Variants in BICRAL observed in about 807,000 individuals in gnomAD.
BICRAL encodes the protein BICRA like chromatin remodeling complex associated protein.
BICRAL carries 8 observed loss-of-function variants against 91.8 expected under a neutral mutation model. The observed-to-expected ratio is 0.09, with a 90% CI of 0.05 to 0.16. BICRAL has a LOEUF of 0.16. Ranked by LOEUF, BICRAL falls within the 10% of genes least tolerant of loss-of-function variation. The pLI is 1.00. For synonymous variants in BICRAL, 445 were observed against 491.1 expected, an observed-to-expected ratio of 0.91 and a Z score of 1.24; for missense variants, 1,038 against 1,310.9, an observed-to-expected ratio of 0.79 and a Z score of 3.21.
intron 6 of BICRAL, among the ~76,000 whole-genome samples, chr6:42,843,389 G>A (rs1764870395): frequency 6.6e-6 from 1 of 152,152 alleles, no homozygotes; most frequent in Non-Finnish European, 1.5e-5. Context: ...TTTAGGTGAG[G>A]CGAGTAGGGT....
At chr6:42,753,368 AT>A (rs1456065290) in intron 1 of BICRAL, among the ~76,000 whole-genome samples, 3 of 151,552 alleles carry the variant, frequency 2.0e-5, no homozygotes, top group African/African-American at 4.9e-5. Context: ...TTGGCCAATC[AT>A]TGCTATAAAA....
At chr6:42,863,650 TAAGG>T (rs1765623146) in intron 12 of BICRAL, among the ~76,000 whole-genome samples, 1 of 152,198 alleles carries the variant, frequency 6.6e-6, no homozygotes, top group African/African-American at 2.4e-5. Flanking sequence ...CCTTCTGCTC[TAAGG>T]AAGAAACCAG....
chr6:42,778,167 T>C (rs543007156), upstream of BICRAL, among the ~76,000 whole-genome samples: 14 of 152,344 alleles, frequency 9.2e-5, no homozygotes, highest in South Asian at 2.9e-3. Flanking sequence ...GACTTAAAAT[T>C]AGGTTGGACA....
intron 1 of BICRAL, 77 bp from the exon 2 acceptor site, chr6:42,810,229 C>T (rs1429296854): frequency 1.3e-5 from 2 of 152,088 alleles, no homozygotes; most frequent in Non-Finnish European, 2.9e-5. Flanking sequence ...AACTTAAAGC[C>T]AATCATGCTG....
At chr6:42,748,362 G>T (rs931999000) in intron 1 of BICRAL, among the ~76,000 whole-genome samples, 1 of 152,122 alleles carries the variant, frequency 6.6e-6, no homozygotes, top group African/African-American at 2.4e-5. Context: ...AGCTAAAGAA[G>T]GTTTATTGGA....
rs1554283186 is a variant in BICRAL, at chr6:42,857,614, A to AAT, written c.2254+399_2254+400dup. On this transcript the variant is annotated intron_variant, in intron 10 of 12. Coordinates refer to ENST00000314073, the MANE Select transcript of BICRAL (RefSeq NM_001393499.1). Reference sequence around the variant, plus strand: ...ACACTGTCTCTTAAAAAAAAAAAAAAATATATATATATATATATATATTTT... The same window carrying AAT: ...ACACTGTCTCTTAAAAAAAAAAAAAAATATATATATATATATATATATATTTT... Among the ~76,000 whole-genome samples, 111 of 96,208 alleles carry AAT rather than the reference A, an allele frequency of 1.2e-3. 1 individual carries two copies. The highest frequency in any genetic ancestry group is 6.3e-3 in the Middle Eastern group (1 of 158). The allele number at this position is 96,208 out of a possible 152,430, so 63.1% of individuals were successfully genotyped here.
chr6:42,864,976 C>T lies in BICRAL; in HGVS notation c.2770C>T (p.Arg924Trp), dbSNP rs575050000. 58 of 1,614,086 alleles carry T rather than the reference C, an allele frequency of 3.6e-5. No homozygotes were observed. Among genetic ancestry groups the T allele is most frequent in the Middle Eastern group, 3.3e-4 (2 of 6,062 alleles). ...GAGCACGTCTGAAGAGAAGGCCAGC[C>T]GGAGAGAGCCTCTGAAGGCCAGTCA... ...YQSTSEEKAS[R>W]REPLKASQCS... The change falls in exon 13 of 13, where the codon CGG (arginine) becomes TGG (tryptophan). Residue 924 changes from arginine to tryptophan, a missense_variant. By Grantham distance (101) the Arg-to-Trp change is moderately radical. Coordinates refer to ENST00000314073, the MANE Select transcript of BICRAL (RefSeq NM_001393499.1).
rs115434343 is a variant in BICRAL at position 42,838,173 on chromosome 6, A to G, written c.1839+8001A>G. On this transcript the variant is annotated intron_variant, in intron 6 of 12. Transcript: ENST00000314073. The stretch of plus-strand genomic sequence containing the variant: ...CTAGGAACAAGGACCTTTTAATATA[A>G]TTATATCAAATTTCTTCCATTTGGC... 7.0e-3 allele frequency among the ~76,000 whole-genome samples: 1,059 copies of G among 152,308 alleles called. 5 individuals carry two copies. The highest frequency in any genetic ancestry group is 0.022 in the African/African-American group (932 of 41,568).
intron 10 of BICRAL, among the ~76,000 whole-genome samples, chr6:42,857,873 G>A (rs1244309655): frequency 2.3e-5 from 3 of 131,186 alleles, no homozygotes; most frequent in Non-Finnish European, 4.6e-5. Flanking sequence ...GCAGTGGCAC[G>A]ATCAACTCAC....
rs1024667347 is a variant in BICRAL at position 42,831,553 on chromosome 6, C to T, written c.1839+1381C>T. On this transcript the variant is annotated intron_variant, in intron 6 of 12. Transcript: ENST00000314073. ...TCACTGTCATCTGCTGATCCTTCGA[C>T]GGCTCCATCATTTGGTTCCCACTCA... 3.3e-5 allele frequency among the ~76,000 whole-genome samples: 5 copies of T among 152,250 alleles called. 1 individual carries two copies. The highest frequency in any genetic ancestry group is 3.9e-4 in the East Asian group (2 of 5,186).
chr6:42,794,411 CTG>C (rs67384767), intron 1 of BICRAL, among the ~76,000 whole-genome samples: 1,905 of 146,428 alleles, frequency 0.013, 15 homozygotes, highest in Middle Eastern at 0.042. Flanking sequence ...TTCACTTACT[CTG>C]TGTGTGTGTG....
chr6:42,821,272 T>A (rs1043426858), intron 2 of BICRAL: 2 of 152,262 alleles, frequency 1.3e-5, no homozygotes, highest in African/African-American at 4.8e-5. Context: ...TGTTGTTGTT[T>A]CAGCCCAAGC....
chr6:42,868,214 TTAG>T lies in BICRAL; in HGVS notation c.*2772_*2774del, dbSNP rs1256466517. The T allele has an allele frequency of 6.6e-6, 1 of 152,574 alleles. No individual in the cohort carries two copies. The highest frequency in any genetic ancestry group is 1.5e-5 in the Non-Finnish European group (1 of 68,030). 9.5% of individuals were successfully genotyped at this position (152,574 alleles called of 1,614,324 possible). A position where few individuals can be genotyped will look rare whatever the true frequency, so the allele number is the denominator to read the frequency against. On this transcript the variant is annotated 3_prime_UTR_variant, in exon 13 of 13. Transcript: ENST00000314073. ...AAGAAATATTTTAGCTCTGAAGGAT[TTAG>T]TAGATTCTGTTAGATTAGGGAGGCC...
chr6:42,817,013 CAAA>C (rs368409842), intron 2 of BICRAL, among the ~76,000 whole-genome samples: 4 of 115,322 alleles, frequency 3.5e-5, no homozygotes, highest in East Asian at 2.6e-4. Context: ...GACTCCATCT[CAAA>C]AAAAAAAAAA....
chr6:42,810,071 G>A (rs1203232526), intron 1 of BICRAL, among the ~76,000 whole-genome samples: 1 of 152,186 alleles, frequency 6.6e-6, no homozygotes, highest in Non-Finnish European at 1.5e-5. Flanking sequence ...ACAGGCGTGA[G>A]CCACTATGCC....
In BICRAL at chr6:42,793,296, A is replaced by ATTTTTTTTTTTTTTTTTTTT. The variant is rs35332872; in HGVS notation, c.-102+11205_-102+11224dup. On this transcript the variant is annotated intron_variant, in intron 1 of 12. Coordinates refer to ENST00000314073, the MANE Select transcript of BICRAL (RefSeq NM_001393499.1). ...GTAGCTGGGATTACAGACCCAGCTA[A>ATTTTTTTTTTTTTTTTTTTT]TTTTTTTTTTTTTTTTTTTTTTTTT... 3.9e-4 allele frequency among the ~76,000 whole-genome samples: 9 copies of ATTTTTTTTTTTTTTTTTTTT among 22,976 alleles called. 1 individual carries two copies. The highest frequency in any genetic ancestry group is 5.7e-4 in the African/African-American group (3 of 5,234). 15.1% of individuals were successfully genotyped at this position (22,976 alleles called of 152,430 possible).
rs183271592 is a variant in BICRAL at position 42,795,375 on chromosome 6, G to A, written c.-102+13274G>A. 1.6e-3 allele frequency among the ~76,000 whole-genome samples: 240 copies of A among 152,304 alleles called. 1 individual carries two copies. Among genetic ancestry groups the A allele is most frequent in the African/African-American group, 5.5e-3 (228 of 41,566 alleles). ...GAACCTGGGAGGTGGAGGTTGCAGT[G>A]TGCCGAGATCGTGCCACTGCACTCC... is the stretch of plus-strand genomic sequence containing the variant. On this transcript the variant is annotated intron_variant, in intron 1 of 12. Transcript: ENST00000314073.
At chr6:42,747,805 G>GTTTTTTTTTTT (rs56209754) in intron 1 of BICRAL, among the ~76,000 whole-genome samples, 14 of 125,298 alleles carry the variant, frequency 1.1e-4, no homozygotes, top group Non-Finnish European at 1.5e-4. Flanking sequence ...GTTTTATTTT[G>GTTTTTTTTTTT]TTTTTTTTTT....
intron 1 of BICRAL, among the ~76,000 whole-genome samples, chr6:42,787,189 G>A (rs1763125724): frequency 6.6e-6 from 1 of 152,132 alleles, no homozygotes; most frequent in African/African-American, 2.4e-5. Flanking sequence ...GGCTGTGGAG[G>A]GAGAGGGAGG....
Sources: gnomAD v4.1 joint callset for allele counts (sites outside exome capture counted in the v4.1 genomes callset) on GRCh38, gnomAD v4.1.1 for gene constraint, MANE v1.5 for transcripts, NCBI Gene and HGNC (gene_info 2026-07-23, HGNC 2026-07-21) for gene names.